Variants in SHISA7 observed in about 807,000 individuals in gnomAD.
SHISA7 encodes the protein shisa family member 7.
In SHISA7, 6 loss-of-function variants were observed where a neutral mutation model predicts 23.9. The ratio of observed to expected loss-of-function variants is 0.25; its 90% CI spans 0.14 to 0.50. The LOEUF is 0.50. SHISA7 is among the 20% of genes least tolerant of loss of function. The pLI, the probability that SHISA7 is intolerant of heterozygous loss-of-function variation, is 0.98. For missense variants in SHISA7, 671 were observed against 801.1 expected (o/e 0.84, Z 1.96); for synonymous variants, 386 against 398.3 (o/e 0.97, Z 0.37).
chr19:55,434,877 G>GCA (rs1568450666), intron 3 of SHISA7, among the ~76,000 whole-genome samples: 1,129 of 106,672 alleles, frequency 0.011, 40 homozygotes, highest in Non-Finnish European at 0.016. Flanking sequence ...TGTGTGTGGT[G>GCA]TGTGTGTATA....
rs1985256336 is a variant in SHISA7 at position 55,433,287 on chromosome 19, C to G, written c.1486G>C (p.Gly496Arg). 7 of 1,504,294 alleles carry G rather than the reference C, an allele frequency of 4.7e-6. No individual in the cohort carries two copies. The highest frequency in any genetic ancestry group is 6.2e-6 in the Non-Finnish European group (7 of 1,134,114). 93.2% of individuals were successfully genotyped at this position (1,504,294 alleles called of 1,614,324 possible). A position where few individuals can be genotyped will look rare whatever the true frequency, so the allele number is the denominator to read the frequency against. Residue 496 changes from glycine (G) to arginine (R), a missense_variant, in exon 4 of 4, where the codon GGG becomes CGG. By Grantham distance (125) the Gly-to-Arg change is moderately radical (BLOSUM62 -2). Around this residue, in one of 5 missense-constraint regions of SHISA7, gnomAD observed 457 missense variants for 488.3 expected, o/e 0.94. Transcript: ENST00000376325. This position sits in a 1 kb window ranked among gnomAD's most constrained non-coding sequence, Gnocchi z 8.4. The part of the protein sequence containing the change: ...PQPAWMSDAG[G>R]GGGTLARRPP... ...CTGCGGGCCAGTGTGCCCCCGCCCC[C>G]GCCGGCGTCGGACATCCAGGCCGGC...
rs370563796 is a variant in SHISA7 at position 55,442,294 on chromosome 19, G to A, written c.570C>T (p.Cys190=). Residue 190 remains cysteine (C), a synonymous_variant, in exon 1 of 4, where the codon TGC becomes TGT. Transcript: ENST00000376325. ...CGGCCAGGGCGAAGCTGATGACCCCGCACACGACGTAGGCTGTGCTGCCCC... is the reference window on the plus strand; with the variant it reads ...CGGCCAGGGCGAAGCTGATGACCCCACACACGACGTAGGCTGTGCTGCCCC... ...GPGGSTAYVV[C]GVISFALAVG... 1.6e-3 allele frequency: 2,506 copies of A among 1,532,236 alleles called. 31 individuals carry two copies. The African/African-American group carries it at 0.03, about 18-fold the overall frequency. The allele number at this position is 1,532,236 out of a possible 1,614,324, so 94.9% of individuals were successfully genotyped here.
Position 55,442,331 on chromosome 19 carries a change from C to T in SHISA7, c.533G>A (p.Gly178Asp), listed in dbSNP as rs1199688426. 7 of 1,479,194 alleles carry T rather than the reference C, an allele frequency of 4.7e-6. No homozygotes were observed. Among genetic ancestry groups the T allele is most frequent in the Admixed American group, 2.3e-5 (1 of 43,406 alleles). 91.6% of individuals were successfully genotyped at this position (1,479,194 alleles called of 1,614,324 possible). A position where few individuals can be genotyped will look rare whatever the true frequency, so the allele number is the denominator to read the frequency against. The change falls in exon 1 of 4, where the codon GGC (glycine) becomes GAC (aspartate). Residue 178 changes from glycine (G) to aspartate (D), a missense_variant. Transcript: ENST00000376325. ...GGCTGTGCTGCCCCCGGGGCCCTCG[C>T]CCCCGCGGCCCCCGGCACCCCCAGT... ...GRTGGAGGRG[G>D]EGPGGSTAYV...
rs1985626106 is a variant in SHISA7, at chr19:55,442,728, C to G, written c.136G>C (p.Ala46Pro). 1 of 1,044,038 alleles carries G rather than the reference C, an allele frequency of 9.6e-7. No individual in the cohort carries two copies. The highest frequency in any genetic ancestry group is 1.2e-6 in the Non-Finnish European group (1 of 869,496). The allele number at this position is 1,044,038 out of a possible 1,614,324, so 64.7% of individuals were successfully genotyped here. Residue 46 changes from alanine (A) to proline (P), a missense_variant, in exon 1 of 4, where the codon GCG (alanine) becomes CCG (proline). Physicochemically the swap from Ala to Pro is conservative, Grantham distance 27. Transcript: ENST00000376325. ...LLAHLRRLTG[A>P]LTGGGGAASP... is the part of the protein sequence containing the mutation. ...GCCGCGCCCCCGCCGCCCGTCAGCG[C>G]CCCGGTCAGGCGCCGCAGGTGCGCC... is the stretch of plus-strand genomic sequence containing the variant.
chr19:55,437,675 C>T lies in SHISA7; in HGVS notation c.906G>A (p.Ser302=). 6.4e-7 allele frequency: 1 copy of T among 1,551,520 alleles called. No individual in the cohort carries two copies. The highest frequency in any genetic ancestry group is 8.7e-7 in the Non-Finnish European group (1 of 1,146,946). ...LSCSRSFHNL[S]HLPPSYEAAV... The stretch of plus-strand genomic sequence containing the variant: ...CAGCCTCGTAGGACGGGGGCAGATG[C>T]GAGAGGTTGTGGAAGGACCGAGAGC... Residue 302 remains serine, a synonymous_variant, in exon 3 of 4, where the codon TCG becomes TCA. Coordinates refer to ENST00000376325, the MANE Select transcript of SHISA7 (RefSeq NM_001145176.2).
chr19:55,434,145 G>C (rs748321880), intron 3 of SHISA7, among the ~76,000 whole-genome samples: 2 of 152,202 alleles, frequency 1.3e-5, no homozygotes, highest in Non-Finnish European at 2.9e-5. Flanking sequence ...TTTGCGGGTA[G>C]TGAGCAGCAT....
In SHISA7 at chr19:55,437,705, C is replaced by T; in HGVS notation, c.876G>A (p.Leu292=). The change falls in exon 3 of 4, where the codon CTG becomes CTA. Residue 292 remains leucine, a synonymous_variant. Coordinates refer to ENST00000376325, the MANE Select transcript of SHISA7 (RefSeq NM_001145176.2). The part of the protein sequence containing the change: ...PPSPSLHYST[L]SCSRSFHNLS... ...GGTTGTGGAAGGACCGAGAGCAGGA[C>T]AGCGTGGAGTAGTGCAAGGAGGGGC... 1 of 1,551,422 alleles carries T rather than the reference C, an allele frequency of 6.4e-7. No homozygotes were observed. Among genetic ancestry groups the T allele is most frequent in the Non-Finnish European group, 8.7e-7 (1 of 1,146,916 alleles).
chr19:55,439,291 C>T (rs1309579266), intron 2 of SHISA7, among the ~76,000 whole-genome samples: 1 of 152,208 alleles, frequency 6.6e-6, no homozygotes, highest in Non-Finnish European at 1.5e-5. Context: ...GCCTTGAAGC[C>T]CTTCTTCCCA....
chr19:55,438,618 G>A (rs1985524549), intron 2 of SHISA7: 1 of 1,304,186 alleles, frequency 7.7e-7, no homozygotes, highest in Admixed American at 2.3e-5. Flanking sequence ...TAGCTGTGGT[G>A]CAGATTATCT....
chr19:55,442,739 C>T lies in SHISA7; in HGVS notation c.125G>A (p.Arg42His), dbSNP rs941242224. Residue 42 changes from arginine to histidine, a missense_variant, in exon 1 of 4, where the codon CGC becomes CAC. Around this residue, in one of 5 missense-constraint regions of SHISA7, gnomAD observed 96 missense variants for 113.1 expected, o/e 0.85. Transcript: ENST00000376325. ...GCCGCCCGTCAGCGCCCCGGTCAGGCGCCGCAGGTGCGCCAGCAGGGCGGG... is the reference window on the plus strand; with the variant it reads ...GCCGCCCGTCAGCGCCCCGGTCAGGTGCCGCAGGTGCGCCAGCAGGGCGGG... ...PLPALLAHLR[R>H]LTGALTGGGG... 1.7e-5 allele frequency: 18 copies of T among 1,084,360 alleles called. No individual in the cohort carries two copies. In the African/African-American group the frequency reaches 2.4e-4, roughly 14 times the overall value. 67.2% of individuals were successfully genotyped at this position (1,084,360 alleles called of 1,614,324 possible). A position where few individuals can be genotyped will look rare whatever the true frequency, so the allele number is the denominator to read the frequency against.
In SHISA7 at chr19:55,433,258, C is replaced by T. The variant is rs1236945124; in HGVS notation, c.1515G>A (p.Pro505=). The T allele has an allele frequency of 3.3e-6, 5 of 1,520,304 alleles. No individual in the cohort carries two copies. The highest frequency in any genetic ancestry group is 4.4e-6 in the Non-Finnish European group (5 of 1,140,594). 94.2% of individuals were successfully genotyped at this position (1,520,304 alleles called of 1,614,324 possible). ...GGGGGTLARR[P]PFQRQGTLEQ... is the part of the protein sequence containing the mutation. ...CCAGCGTGCCCTGGCGCTGGAAGGGCGGCCTGCGGGCCAGTGTGCCCCCGC... is the reference window on the plus strand; with the variant it reads ...CCAGCGTGCCCTGGCGCTGGAAGGGTGGCCTGCGGGCCAGTGTGCCCCCGC... Residue 505 remains proline, a synonymous_variant, in exon 4 of 4, where the codon CCG becomes CCA. Transcript: ENST00000376325. The surrounding 1 kb of genome is among the most constrained non-coding windows in gnomAD (Gnocchi z 8.4).
chr19:55,435,109 GT>G (rs1985404422), intron 3 of SHISA7, among the ~76,000 whole-genome samples: 21 of 46,100 alleles, frequency 4.6e-4, no homozygotes, highest in East Asian at 5.7e-3. Context: ...TATGGTGTGT[GT>G]GTGGTGTGTG....
intron 3 of SHISA7, among the ~76,000 whole-genome samples, chr19:55,437,162 C>G (rs114454004): frequency 0.015 from 2,359 of 152,198 alleles, 52 homozygotes; most frequent in African/African-American, 0.053. Context: ...GAACGGCAGC[C>G]TGAACATCTG....
At chr19:55,437,938 C>T (rs1985506566) in intron 2 of SHISA7, among the ~76,000 whole-genome samples, 184 bp from the exon 3 acceptor site, 1 of 149,530 alleles carries the variant, frequency 6.7e-6, no homozygotes, top group Non-Finnish European at 1.5e-5. Flanking sequence ...CTCAGCCCCG[C>T]CTCCCTCAGA....
At position 55,435,570 on chromosome 19, in the gene SHISA7, T is replaced by C. The variant is rs576650023; in HGVS notation, c.977-1774A>G. Among the ~76,000 whole-genome samples the C allele has an allele frequency of 3.3e-5, 4 of 119,512 alleles. No individual in the cohort carries two copies. In the South Asian group the frequency reaches 1.0e-3, roughly 31 times the overall value. 78.4% of individuals were successfully genotyped at this position (119,512 alleles called of 152,430 possible). ...GAGTTCAAGACCGACCTGGGCAATA[T>C]AGTGAGACTCCATCTCTACAAAAAA... On this transcript the variant is annotated intron_variant, in intron 3 of 3. Coordinates refer to ENST00000376325, the MANE Select transcript of SHISA7 (RefSeq NM_001145176.2).
chr19:55,439,836 C>T (rs1055380292), intron 2 of SHISA7, among the ~76,000 whole-genome samples: 1 of 152,086 alleles, frequency 6.6e-6, no homozygotes, highest in East Asian at 1.9e-4. Context: ...AACGCCTCTC[C>T]TCCTCCAGGC....
chr19:55,442,652 GCGCCCGCCC>G lies in SHISA7; in HGVS notation c.203_211del (p.Gly68_Gly70del). ...GGCGGGAGGGGGCGCCCGGGCCGCC[GCGCCCGCCC>G]CGCCCGCGGGGCCGGTCCTGGTGCC... On this transcript the variant is annotated inframe_deletion, in exon 1 of 4. Transcript: ENST00000376325. The G allele has an allele frequency of 2.3e-6, 3 of 1,309,590 alleles. No individual in the cohort carries two copies. Among genetic ancestry groups the G allele is most frequent in the Non-Finnish European group, 2.9e-6 (3 of 1,018,216 alleles). The allele number at this position is 1,309,590 out of a possible 1,614,324, so 81.1% of individuals were successfully genotyped here. A position where few individuals can be genotyped will look rare whatever the true frequency, so the allele number is the denominator to read the frequency against.
chr19:55,436,025 A>G lies in SHISA7; in HGVS notation c.976+1580T>C, dbSNP rs112323782. ...TTCTGGGCCGAGCACGGTGGCTCAC[A>G]CCTGTAATCCCAGCACTTTGGGAGG... is the stretch of plus-strand genomic sequence containing the variant. On this transcript the variant is annotated intron_variant, in intron 3 of 3. Coordinates refer to ENST00000376325, the MANE Select transcript of SHISA7 (RefSeq NM_001145176.2). Among the ~76,000 whole-genome samples, 1,427 of 152,040 alleles carry G rather than the reference A, an allele frequency of 9.4e-3. 14 individuals are homozygous for G. The highest frequency in any genetic ancestry group is 0.024 in the East Asian group (125 of 5,162).
At position 55,440,665 on chromosome 19, in the gene SHISA7, T is replaced by G. The variant is rs1439110295; in HGVS notation, c.772A>C (p.Met258Leu). ...AGGTTCTTGGGCGTCCTGGGGGGCA[T>G]GCTGTCGGGACCGCCGATCCCCGGG... Reference protein sequence around the residue: ...LTPGIGGPDSMPPRTPKNLYN... With the variant: ...LTPGIGGPDSLPPRTPKNLYN... Residue 258 changes from methionine to leucine, a missense_variant, in exon 2 of 4, where the codon ATG becomes CTG. Physicochemically the swap from Met to Leu is conservative, Grantham distance 15. This residue lies in a region of SHISA7 where 457 missense variants were observed against 488.3 expected (regional missense o/e 0.94). Coordinates refer to ENST00000376325, the MANE Select transcript of SHISA7 (RefSeq NM_001145176.2). The G allele has an allele frequency of 5.6e-6, 7 of 1,249,698 alleles. No homozygotes were observed. The Admixed American group carries it at 3.0e-4, about 53-fold the overall frequency. 77.4% of individuals were successfully genotyped at this position (1,249,698 alleles called of 1,614,324 possible).
Sources: allele counts gnomAD v4.1 joint callset (sites outside exome capture counted in the v4.1 genomes callset), GRCh38; gene constraint gnomAD v4.1.1; regional missense constraint gnomAD v4.1.1; non-coding constraint Gnocchi (gnomAD v3.1); transcripts MANE v1.5; gene names NCBI Gene and HGNC (gene_info 2026-07-23, HGNC 2026-07-21).